ARL8B: variants seen among roughly 807,000 people sequenced by gnomAD.
The protein encoded by ARL8B is ADP-ribosylation factor-like protein 8B.
A neutral mutation model predicts 30.6 loss-of-function variants in ARL8B; 9 were observed. The ratio of observed to expected loss-of-function variants is 0.29; its 90% CI spans 0.18 to 0.51. ARL8B has a LOEUF of 0.51. ARL8B is among the 20% of genes least tolerant of loss of function. ARL8B has a pLI of 0.97. For missense variants in ARL8B, 130 were observed against 227.2 expected (o/e 0.57, Z 2.75); for synonymous variants, 74 against 76.0 (o/e 0.97, Z 0.14).
intron 1 of ARL8B, among the ~76,000 whole-genome samples, chr3:5,125,212 T>C (rs745840906): frequency 1.6e-4 from 24 of 152,290 alleles, no homozygotes; most frequent in Admixed American, 2.6e-4. Flanking sequence ...ACATGAAAGA[T>C]GTTAAGTGGC....
At chr3:5,143,222 T>G (rs1446715158) in intron 1 of ARL8B, among the ~76,000 whole-genome samples, 1 of 152,186 alleles carries the variant, frequency 6.6e-6, no homozygotes, top group Non-Finnish European at 1.5e-5. Flanking sequence ...TGCCTGCAAG[T>G]TTCCATTTTG....
At chr3:5,157,602 C>T (rs765268007) in intron 1 of ARL8B, among the ~76,000 whole-genome samples, 1 of 152,206 alleles carries the variant, frequency 6.6e-6, no homozygotes, top group African/African-American at 2.4e-5. Flanking sequence ...TTTTCTTCTC[C>T]GTAAGTACAG....
intron 1 of ARL8B, among the ~76,000 whole-genome samples, chr3:5,156,334 T>C (rs1466710703): frequency 6.6e-6 from 1 of 152,148 alleles, no homozygotes; most frequent in African/African-American, 2.4e-5. Flanking sequence ...GAAATTTGAA[T>C]CTAATAATGT....
chr3:5,137,797 C>T (rs201896019), intron 1 of ARL8B, among the ~76,000 whole-genome samples: 3 of 151,896 alleles, frequency 2.0e-5, no homozygotes, highest in Non-Finnish European at 2.9e-5. Context: ...ACTGTGTTGC[C>T]CAGGCTGGTT....
At chr3:5,156,213 G>T (rs886270637) in intron 1 of ARL8B, among the ~76,000 whole-genome samples, 1 of 151,742 alleles carries the variant, frequency 6.6e-6, no homozygotes, top group African/African-American at 2.4e-5. Flanking sequence ...TAAGATAATT[G>T]TTTACTGGTC....
At chr3:5,174,894 C>G (rs911471936) in intron 6 of ARL8B, among the ~76,000 whole-genome samples, 4 of 151,706 alleles carry the variant, frequency 2.6e-5, no homozygotes, top group African/African-American at 9.7e-5. Flanking sequence ...CCTCTGCCTC[C>G]TGGGTTAAAG....
rs569017132 is a variant in ARL8B, at chr3:5,147,340, G to T, written c.124-23163G>T. Among the ~76,000 whole-genome samples the T allele has an allele frequency of 7.2e-5, 11 of 152,290 alleles. No homozygotes were observed. In the South Asian group the frequency reaches 2.1e-3, roughly 29 times the overall value. Reference sequence around the variant, plus strand: ...CCAGCTTCATCCATGTCCCTGCAAAGGACATGAACTCATCCTTTTTTATGG... The same window carrying T: ...CCAGCTTCATCCATGTCCCTGCAAATGACATGAACTCATCCTTTTTTATGG... On this transcript the variant is annotated intron_variant, in intron 1 of 6. Transcript: ENST00000256496.
chr3:5,161,337 T>C (rs1003208592), intron 1 of ARL8B, among the ~76,000 whole-genome samples: 4 of 152,196 alleles, frequency 2.6e-5, no homozygotes, highest in African/African-American at 9.6e-5. Context: ...ATATTAACAC[T>C]GAAACTTGCA....
rs541377799 is a variant in ARL8B, at chr3:5,164,942, G to A, written c.124-5561G>A. On this transcript the variant is annotated intron_variant, in intron 1 of 6. Coordinates refer to ENST00000256496, the MANE Select transcript of ARL8B (RefSeq NM_018184.3). ...CCTTCTTTTAAATAGAGTGTTCCTC[G>A]TTTTGGGTTTGTCTGATGATTAGAT... 5.3e-5 allele frequency among the ~76,000 whole-genome samples: 8 copies of A among 152,108 alleles called. No homozygotes were observed. In the East Asian group the frequency reaches 7.7e-4, roughly 15 times the overall value.
intron 1 of ARL8B, among the ~76,000 whole-genome samples, chr3:5,159,731 A>G (rs1034373700): frequency 1.3e-5 from 2 of 151,990 alleles, no homozygotes; most frequent in African/African-American, 4.8e-5. Flanking sequence ...ATAGAAACCT[A>G]GAAATAGATT....
chr3:5,174,277 A>G (rs1051260649), intron 5 of ARL8B, 67 bp from the exon 6 acceptor site: 2 of 1,230,072 alleles, frequency 1.6e-6, no homozygotes, highest in Non-Finnish European at 2.4e-6. Flanking sequence ...AATGAGTAAA[A>G]TTGAACAAAG....
intron 1 of ARL8B, among the ~76,000 whole-genome samples, chr3:5,169,739 A>G (rs1307088835): frequency 3.3e-5 from 5 of 152,174 alleles, no homozygotes; most frequent in Non-Finnish European, 7.3e-5. Flanking sequence ...GAATGACTAG[A>G]TTTTCACATA....
intron 3 of ARL8B, 147 bp downstream of exon 3, chr3:5,172,370 G>T (rs1473722587): frequency 8.3e-6 from 6 of 726,718 alleles, no homozygotes; most frequent in Non-Finnish European, 1.1e-5. Flanking sequence ...TCCCAACATG[G>T]GATTTAAAAA....
At chr3:5,135,444 TCA>T (rs2054316001) in intron 1 of ARL8B, among the ~76,000 whole-genome samples, 1 of 151,790 alleles carries the variant, frequency 6.6e-6, no homozygotes, top group South Asian at 2.1e-4. Flanking sequence ...TGTTCCTGGC[TCA>T]CTTAATTATT....
intron 1 of ARL8B, among the ~76,000 whole-genome samples, chr3:5,158,391 G>A (rs1002547903): frequency 3.9e-5 from 6 of 152,178 alleles, no homozygotes; most frequent in African/African-American, 1.4e-4. Context: ...CGTGGGTGAT[G>A]GTAGCAAACA....
intron 1 of ARL8B, among the ~76,000 whole-genome samples, chr3:5,157,309 C>G (rs991848738): frequency 9.9e-5 from 15 of 152,164 alleles, no homozygotes; most frequent in African/African-American, 2.7e-4. Flanking sequence ...TCATACACAA[C>G]TTTATCAGAT....
At position 5,174,361 on chromosome 3, in the gene ARL8B, A is replaced by G; in HGVS notation, c.458A>G (p.Gln153Arg). 6.2e-7 allele frequency: 1 copy of G among 1,605,180 alleles called. No homozygotes were observed. Among genetic ancestry groups the G allele is most frequent in the Non-Finnish European group, 8.5e-7 (1 of 1,172,224 alleles). ...LIEKMNLSAI[Q>R]DREICCYSIS... Reference sequence around the variant, plus strand: ...TCTCATAGGAATCTGTCTGCTATTCAGGATAGAGAAATTTGCTGCTATTCA... The same window carrying G: ...TCTCATAGGAATCTGTCTGCTATTCGGGATAGAGAAATTTGCTGCTATTCA... Residue 153 changes from glutamine (Q) to arginine (R), a missense_variant, in exon 6 of 7, where the codon CAG becomes CGG. Transcript: ENST00000256496.
intron 6 of ARL8B, among the ~76,000 whole-genome samples, chr3:5,176,276 G>T (rs193001672): frequency 4.9e-4 from 74 of 152,114 alleles, no homozygotes; most frequent in Admixed American, 7.9e-4. Context: ...TGTCGCCGTG[G>T]CTGGAGTGCA....
chr3:5,134,400 G>A (rs945111184), intron 1 of ARL8B, among the ~76,000 whole-genome samples: 8 of 152,246 alleles, frequency 5.3e-5, no homozygotes, highest in Admixed American at 3.9e-4. Context: ...GAGTGGGTCA[G>A]ATTCGTTTGC....
Sources: gnomAD v4.1 joint callset for allele counts (sites outside exome capture counted in the v4.1 genomes callset) on GRCh38, gnomAD v4.1.1 for gene constraint, MANE v1.5 for transcripts, NCBI Gene and HGNC (gene_info 2026-07-23, HGNC 2026-07-21) for gene names.